Variants in SLC7A11 observed in about 807,000 individuals in gnomAD.
SLC7A11 encodes solute carrier family 7 member 11.
SLC7A11 carries 35 observed loss-of-function variants against 54.5 expected under a neutral mutation model. That is an observed-to-expected ratio of 0.64 (90% CI 0.49 to 0.85). SLC7A11 has a LOEUF of 0.85. SLC7A11 is among the 40% of genes least tolerant of loss of function. SLC7A11 has a pLI of 0.00. For missense variants in SLC7A11, 583 were observed against 618.1 expected (o/e 0.94, Z 0.60); for synonymous variants, 230 against 225.2 (o/e 1.02, Z -0.19).
chr4:138,177,961 C>T (rs1441650436), intron 11 of SLC7A11: 3 of 152,120 alleles, frequency 2.0e-5, no homozygotes, highest in Non-Finnish European at 4.4e-5. Flanking sequence ...TCAGCCCCAA[C>T]CTATCTTAAT....
intron 6 of SLC7A11, among the ~76,000 whole-genome samples, chr4:138,196,591 T>C (rs150513986): frequency 1.2e-3 from 181 of 152,220 alleles, no homozygotes; most frequent in African/African-American, 4.1e-3. Flanking sequence ...AAAAAAAGAC[T>C]TGTTATGAAA....
chr4:138,223,600 A>G (rs1737870235), intron 3 of SLC7A11, among the ~76,000 whole-genome samples: 1 of 152,186 alleles, frequency 6.6e-6, no homozygotes, highest in Non-Finnish European at 1.5e-5. Context: ...TTTGTATGTA[A>G]GAGTGGACAT....
At chr4:138,236,983 C>CT (rs34896335) in intron 1 of SLC7A11, among the ~76,000 whole-genome samples, 83,466 of 112,040 alleles carry the variant, frequency 0.74, 32,695 homozygotes, top group Middle Eastern at 0.87. Context: ...TGCAAGATTT[C>CT]TTTTTTTTTT....
In SLC7A11 at chr4:138,164,176, A is replaced by G. The variant is rs1437581449; in HGVS notation, c.*7780T>C. 1 of 152,584 alleles carries G rather than the reference A, an allele frequency of 6.6e-6. No homozygotes were observed. Among genetic ancestry groups the G allele is most frequent in the Non-Finnish European group, 1.5e-5 (1 of 68,012 alleles). The allele number at this position is 152,584 out of a possible 1,614,324, so 9.5% of individuals were successfully genotyped here. On this transcript the variant is annotated 3_prime_UTR_variant, in exon 12 of 12. Coordinates refer to ENST00000280612, the MANE Select transcript of SLC7A11 (RefSeq NM_014331.4). ...AAATATGTACAAAAATGGTTATAAA[A>G]TGGTTGAAGCAACTAGAAGCGTGAC...
chr4:138,199,968 T>A (rs1470625232), intron 6 of SLC7A11, among the ~76,000 whole-genome samples: 2 of 152,130 alleles, frequency 1.3e-5, no homozygotes, highest in Admixed American at 1.3e-4. Context: ...TACATACATT[T>A]AAAACACATT....
chr4:138,238,239 G>C (rs1421082953), intron 1 of SLC7A11, among the ~76,000 whole-genome samples: 1 of 152,174 alleles, frequency 6.6e-6, no homozygotes, highest in Non-Finnish European at 1.5e-5. Context: ...TCATAAAGGA[G>C]TTGTGTGTAT....
intron 6 of SLC7A11, among the ~76,000 whole-genome samples, chr4:138,197,447 T>C (rs1260759756): frequency 6.6e-6 from 1 of 152,074 alleles, no homozygotes; most frequent in Non-Finnish European, 1.5e-5. Context: ...GAAGTTACTT[T>C]AATTAGTTAA....
At chr4:138,223,118 G>T in intron 4 of SLC7A11, 81 bp downstream of exon 4, 1 of 1,269,980 alleles carries the variant, frequency 7.9e-7, no homozygotes, top group Non-Finnish European at 1.1e-6. Flanking sequence ...TAAGGATTCT[G>T]TTAGTACAAG....
chr4:138,172,034 A>G lies in SLC7A11; in HGVS notation c.1445-17T>C, dbSNP rs1423812124. The G allele has an allele frequency of 1.3e-6, 2 of 1,573,754 alleles. No homozygotes were observed. The highest frequency in any genetic ancestry group is 1.7e-6 in the Non-Finnish European group (2 of 1,166,232). On this transcript the variant is annotated splice_polypyrimidine_tract_variant and intron_variant, in intron 11 of 11. Transcript: ENST00000280612. ...TTATTTTCTCTACAAAGAAATAAAAATGAATTAAAAATGCATGGAAATCAG... is the reference window on the plus strand; with the variant it reads ...TTATTTTCTCTACAAAGAAATAAAAGTGAATTAAAAATGCATGGAAATCAG...
intron 2 of SLC7A11, among the ~76,000 whole-genome samples, chr4:138,232,875 T>A: frequency 6.6e-6 from 1 of 152,198 alleles, no homozygotes; most frequent in East Asian, 1.9e-4. Context: ...ATATTTGACA[T>A]TGTTTTATTT....
Position 138,171,923 on chromosome 4 carries a change from T to G in SLC7A11, c.*33A>C, listed in dbSNP as rs1453100549. 1 of 1,572,192 alleles carries G rather than the reference T, an allele frequency of 6.4e-7. No individual in the cohort carries two copies. The highest frequency in any genetic ancestry group is 1.4e-5 in the African/African-American group (1 of 72,010). On this transcript the variant is annotated 3_prime_UTR_variant, in exon 12 of 12. Transcript: ENST00000280612. ...AAAATCCCTATTTTGTGTCTCCCCT[T>G]GGGCAGATTGCCAAGATCTCAAGTC...
At chr4:138,230,885 T>C (rs1018784516) in intron 3 of SLC7A11, among the ~76,000 whole-genome samples, 1 of 152,142 alleles carries the variant, frequency 6.6e-6, no homozygotes, top group Non-Finnish European at 1.5e-5. Flanking sequence ...ACCAACAACA[T>C]GCTAGGAGCT....
intron 1 of SLC7A11, among the ~76,000 whole-genome samples, chr4:138,237,605 C>A (rs1241493326): frequency 7.0e-6 from 1 of 142,694 alleles, no homozygotes; most frequent in Admixed American, 7.2e-5. Context: ...ACCATGTTGG[C>A]CAAGCTGGTC....
At position 138,212,212 on chromosome 4, in the gene SLC7A11, AAAGT is replaced by A. The variant is rs373257860; in HGVS notation, c.791+2369_791+2372del. On this transcript the variant is annotated intron_variant, in intron 6 of 11. Transcript: ENST00000280612. ...ATGAGGTTTGACACTAAAAGTTTAG[AAAGT>A]AAGCTTCAAAATGGTGTAATTTTTC... 3.5e-3 allele frequency among the ~76,000 whole-genome samples: 537 copies of A among 152,034 alleles called. 1 individual carries two copies. The highest frequency in any genetic ancestry group is 0.011 in the African/African-American group (459 of 41,540).
intron 6 of SLC7A11, among the ~76,000 whole-genome samples, chr4:138,186,928 G>A (rs1345233034): frequency 6.6e-6 from 1 of 152,054 alleles, no homozygotes; most frequent in Non-Finnish European, 1.5e-5. Context: ...GAGGAAGAGA[G>A]GAAAAGAAGA....
At chr4:138,216,038 A>C (rs557988507) in intron 5 of SLC7A11, among the ~76,000 whole-genome samples, 3 of 152,326 alleles carry the variant, frequency 2.0e-5, no homozygotes, top group African/African-American at 7.2e-5. Context: ...GTTTTAGTCC[A>C]AACATTCACA....
chr4:138,226,332 A>G (rs1220264700), intron 3 of SLC7A11, among the ~76,000 whole-genome samples: 1 of 152,204 alleles, frequency 6.6e-6, no homozygotes, highest in Admixed American at 6.5e-5. Context: ...ACAGGTGAAT[A>G]CATACATCAC....
intron 6 of SLC7A11, among the ~76,000 whole-genome samples, chr4:138,201,984 G>T (rs1737296673): frequency 6.6e-6 from 1 of 151,908 alleles, no homozygotes; most frequent in South Asian, 2.1e-4. Context: ...CTAAATTATG[G>T]GGAATGTCTA....
intron 6 of SLC7A11, among the ~76,000 whole-genome samples, chr4:138,208,103 T>C (rs546363993): frequency 3.2e-4 from 48 of 152,240 alleles, no homozygotes; most frequent in African/African-American, 1.1e-3. Flanking sequence ...AGGTTTTCAT[T>C]GGTACAAGGT....
Sources: gnomAD v4.1 joint callset for allele counts (sites outside exome capture counted in the v4.1 genomes callset) on GRCh38, gnomAD v4.1.1 for gene constraint, MANE v1.5 for transcripts, NCBI Gene and HGNC (gene_info 2026-07-23, HGNC 2026-07-21) for gene names.